The following ASIC2 variants were observed in gnomAD, a reference collection of about 807,000 sequenced individuals.
ASIC2 encodes the protein acid sensing ion channel subunit 2, also known as acid-sensing ion channel 2.
A neutral mutation model predicts 57.3 loss-of-function variants in ASIC2; 25 were observed. That is an observed-to-expected ratio of 0.44 (90% CI 0.32 to 0.61). ASIC2 has a LOEUF of 0.61. ASIC2 is among the 20% of genes least tolerant of loss of function. The pLI is 0.06. For synonymous variants in ASIC2, 319 were observed against 307.5 expected, an observed-to-expected ratio of 1.04 and a Z score of -0.39; for missense variants, 641 against 738.1, an observed-to-expected ratio of 0.87 and a Z score of 1.52.
In ASIC2 at chr17:33,436,853, C is replaced by CTTTTTTTT. The variant is rs71144877; in HGVS notation, c.556-324794_556-324787dup. 3.3e-3 allele frequency among the ~76,000 whole-genome samples: 218 copies of CTTTTTTTT among 66,576 alleles called. 11 individuals carry two copies. Among genetic ancestry groups the CTTTTTTTT allele is most frequent in the African/African-American group, 6.2e-3 (125 of 20,012 alleles). 43.7% of individuals were successfully genotyped at this position (66,576 alleles called of 152,430 possible). A position where few individuals can be genotyped will look rare whatever the true frequency, so the allele number is the denominator to read the frequency against. On this transcript the variant is annotated intron_variant, in intron 1 of 9. Transcript: ENST00000359872. ...AATGCCTTAAAACACATTCCAACTT[C>CTTTTTTTT]TTTTTTTTTTTTTTTTTTTTTTTTT...
In ASIC2 at chr17:33,021,244, C is replaced by T. The variant is rs763498266; in HGVS notation, c.1416G>A (p.Lys472=). ...CAAGTAAGGCAGCAACTTCATACGC[C>T]TTCTTCTGTTCAATTGTCTCATAAT... ...ALNYETIEQK[K]AYEVAALLGD... Residue 472 remains lysine, a synonymous_variant, in exon 7 of 10, where the codon AAG becomes AAA. Transcript: ENST00000225823. 1 of 1,613,126 alleles carries T rather than the reference C, an allele frequency of 6.2e-7. No individual in the cohort carries two copies. The highest frequency in any genetic ancestry group is 8.5e-7 in the Non-Finnish European group (1 of 1,179,940).
intron 1 of ASIC2, among the ~76,000 whole-genome samples, chr17:34,101,555 T>C (rs988239368): frequency 3.3e-5 from 5 of 152,194 alleles, no homozygotes; most frequent in Non-Finnish European, 7.3e-5. Flanking sequence ...AATTTAATGA[T>C]TTAATAATAT....
chr17:34,148,396 C>T (rs962303534), intron 1 of ASIC2, among the ~76,000 whole-genome samples: 7 of 152,294 alleles, frequency 4.6e-5, no homozygotes, highest in Admixed American at 3.3e-4. Context: ...AGATCCCAAA[C>T]GGAGGCTGAC....
intron 1 of ASIC2, chr17:34,005,796 CACTT>C (rs1021098567): frequency 2.0e-5 from 3 of 152,220 alleles, no homozygotes; most frequent in Non-Finnish European, 4.4e-5. Context: ...GCTGTAGTGT[CACTT>C]ACTTACATCT....
chr17:34,076,854 AG>A (rs551657314), intron 1 of ASIC2, among the ~76,000 whole-genome samples: 1 of 152,208 alleles, frequency 6.6e-6, no homozygotes, highest in Non-Finnish European at 1.5e-5. Context: ...GGAAGGGCAC[AG>A]AAGCAGGGCT....
intron 1 of ASIC2, among the ~76,000 whole-genome samples, chr17:34,062,458 G>A (rs1909002334): frequency 6.6e-6 from 1 of 151,906 alleles, no homozygotes; most frequent in South Asian, 2.1e-4. Context: ...CTCACGTTAA[G>A]GAACTAGAGA....
At chr17:33,242,061 G>GT (rs1156691101) in intron 1 of ASIC2, among the ~76,000 whole-genome samples, 1 of 152,214 alleles carries the variant, frequency 6.6e-6, no homozygotes, top group Non-Finnish European at 1.5e-5. Flanking sequence ...GCTCACGCCT[G>GT]TAATCCCAGC....
At chr17:33,677,140 A>G (rs1291556125) in intron 1 of ASIC2, among the ~76,000 whole-genome samples, 1 of 152,250 alleles carries the variant, frequency 6.6e-6, no homozygotes, top group Non-Finnish European at 1.5e-5. Flanking sequence ...TAGCAATGCA[A>G]GAACAGCCTA....
chr17:33,105,940 T>A (rs747773440), intron 2 of ASIC2, among the ~76,000 whole-genome samples: 1 of 152,050 alleles, frequency 6.6e-6, no homozygotes, highest in Non-Finnish European at 1.5e-5. Flanking sequence ...GTGGAAGAAA[T>A]TTCTAAGCAG....
At chr17:33,464,546 C>CTTTCTTTCTTTA (rs1912784038) in intron 1 of ASIC2, among the ~76,000 whole-genome samples, 1 of 89,950 alleles carries the variant, frequency 1.1e-5, no homozygotes, top group Non-Finnish European at 2.3e-5. Context: ...CTTTCTCTTT[C>CTTTCTTTCTTTA]TTTCTTTCTT....
chr17:33,509,870 A>C (rs1914378344), intron 1 of ASIC2, among the ~76,000 whole-genome samples: 1 of 152,252 alleles, frequency 6.6e-6, no homozygotes, highest in Non-Finnish European at 1.5e-5. Flanking sequence ...TAGCCTTGCC[A>C]TTACAATAGG....
intron 1 of ASIC2, among the ~76,000 whole-genome samples, chr17:33,202,983 G>A (rs1406521342): frequency 3.3e-5 from 5 of 152,162 alleles, no homozygotes; most frequent in African/African-American, 1.2e-4. Context: ...CACTTCAAAC[G>A]CCAGAGAGAA....
At chr17:33,224,259 T>A (rs915240697) in intron 1 of ASIC2, among the ~76,000 whole-genome samples, 10 of 152,232 alleles carry the variant, frequency 6.6e-5, no homozygotes, top group Admixed American at 5.9e-4. Flanking sequence ...TTTGAATTAT[T>A]CATGAGGCCA....
At chr17:33,478,426 T>A (rs1913298662) in intron 1 of ASIC2, among the ~76,000 whole-genome samples, 2 of 152,248 alleles carry the variant, frequency 1.3e-5, no homozygotes, top group South Asian at 4.1e-4. Flanking sequence ...CCCCAACTGC[T>A]AAGGCTGAAA....
chr17:33,130,644 G>A (rs1291826502), intron 1 of ASIC2, among the ~76,000 whole-genome samples: 1 of 152,192 alleles, frequency 6.6e-6, no homozygotes, highest in African/African-American at 2.4e-5. Flanking sequence ...GTCAAGAGCA[G>A]GGGACTAAGC....
chr17:33,084,351 T>C (rs116786284), intron 3 of ASIC2, among the ~76,000 whole-genome samples: 2,420 of 152,282 alleles, frequency 0.016, 73 homozygotes, highest in African/African-American at 0.052. Flanking sequence ...TAGCCTTATT[T>C]CTTTGGGCTC....
chr17:33,889,639 C>T (rs776528135), intron 1 of ASIC2, among the ~76,000 whole-genome samples: 8 of 152,200 alleles, frequency 5.3e-5, no homozygotes, highest in Non-Finnish European at 8.8e-5. Context: ...TCCTTGCCTA[C>T]ATCTGCCTTT....
At chr17:33,414,939 C>T (rs888129110) in intron 1 of ASIC2, among the ~76,000 whole-genome samples, 20 of 152,198 alleles carry the variant, frequency 1.3e-4, no homozygotes, top group Non-Finnish European at 2.5e-4. Flanking sequence ...GTTTCCCAAC[C>T]AGGCTACTGC....
At chr17:33,488,220 T>C (rs1218370074) in intron 1 of ASIC2, among the ~76,000 whole-genome samples, 1 of 152,100 alleles carries the variant, frequency 6.6e-6, no homozygotes, top group Non-Finnish European at 1.5e-5. Context: ...CCCACCCTGT[T>C]TGCTTTCCGT....
Sources: gnomAD v4.1 joint callset for allele counts (sites outside exome capture counted in the v4.1 genomes callset) on GRCh38, gnomAD v4.1.1 for gene constraint, MANE v1.5 for transcripts, NCBI Gene and HGNC (gene_info 2026-07-23, HGNC 2026-07-21) for gene names.